CUX2: variants seen among roughly 807,000 people sequenced by gnomAD.
The protein encoded by CUX2 is cut like homeobox 2, also known as homeobox protein cut-like 2.
Under a neutral mutation model 144.8 loss-of-function variants are expected in CUX2, and 40 were observed. The ratio of observed to expected loss-of-function variants is 0.28; its 90% CI spans 0.21 to 0.36. CUX2 has a LOEUF of 0.36. Ranked by LOEUF, CUX2 falls within the 10% of genes least tolerant of loss-of-function variation. CUX2 has a pLI of 1.00. For missense variants in CUX2, 1,615 were observed against 1,994.0 expected, an observed-to-expected ratio of 0.81 and a Z score of 3.62; for synonymous variants, 827 against 875.6, an observed-to-expected ratio of 0.94 and a Z score of 0.98.
chr12:111,210,035 C>T (rs1398111536), intron 1 of CUX2, among the ~76,000 whole-genome samples: 4 of 152,202 alleles, frequency 2.6e-5, no homozygotes, highest in Admixed American at 2.0e-4. Context: ...TTAATCATGG[C>T]TCCCCCAGGG....
At chr12:111,098,708 C>T (rs970510688) in intron 1 of CUX2, among the ~76,000 whole-genome samples, 4 of 152,188 alleles carry the variant, frequency 2.6e-5, no homozygotes, top group Non-Finnish European at 2.9e-5. Flanking sequence ...AGGAAGCCAA[C>T]GTCACCTCCC....
chr12:111,182,114 G>A (rs1879221498), intron 1 of CUX2, among the ~76,000 whole-genome samples: 2 of 152,032 alleles, frequency 1.3e-5, no homozygotes, highest in African/African-American at 4.8e-5. Flanking sequence ...CAGGGTCGGG[G>A]GATAAAAATC....
At chr12:111,182,666 A>T (rs1011725778) in intron 1 of CUX2, among the ~76,000 whole-genome samples, 2 of 152,162 alleles carry the variant, frequency 1.3e-5, no homozygotes, top group Admixed American at 1.3e-4. Context: ...ATCGTTGGGG[A>T]TGGAGAAGGA....
intron 1 of CUX2, among the ~76,000 whole-genome samples, chr12:111,060,835 C>A (rs1870735010): frequency 6.6e-6 from 1 of 152,226 alleles, no homozygotes. Context: ...CCATGGTGGT[C>A]ACCCTCGGGA....
intron 18 of CUX2, among the ~76,000 whole-genome samples, chr12:111,326,452 G>A (rs1671146358): frequency 6.6e-6 from 1 of 151,284 alleles, no homozygotes; most frequent in Non-Finnish European, 1.5e-5. Flanking sequence ...TCTTGTGGTG[G>A]GGTAGGGGTT....
intron 1 of CUX2, among the ~76,000 whole-genome samples, chr12:111,060,579 G>T (rs901408255): frequency 6.6e-6 from 1 of 152,216 alleles, no homozygotes; most frequent in Non-Finnish European, 1.5e-5. Flanking sequence ...CATATTAGAG[G>T]CTCAATAAAT....
chr12:111,050,495 C>T (rs1261472583), intron 1 of CUX2, among the ~76,000 whole-genome samples: 2 of 152,156 alleles, frequency 1.3e-5, no homozygotes, highest in Non-Finnish European at 2.9e-5. Flanking sequence ...CAGGTCAAGA[C>T]GTTCAAAACC....
At chr12:111,226,999 T>A (rs948672035) in intron 3 of CUX2, among the ~76,000 whole-genome samples, 6 of 152,204 alleles carry the variant, frequency 3.9e-5, no homozygotes, top group African/African-American at 1.4e-4. Context: ...TGTCTCTCAG[T>A]GCTCACGTCT....
Position 111,263,440 on chromosome 12 carries a change from C to A in CUX2, c.223-321C>A, listed in dbSNP as rs1381286920. Among the ~76,000 whole-genome samples, 1 of 152,096 alleles carries A rather than the reference C, an allele frequency of 6.6e-6. No individual in the cohort carries two copies. The highest frequency in any genetic ancestry group is 6.6e-5 in the Admixed American group (1 of 15,266). On this transcript the variant is annotated intron_variant, in intron 3 of 21. Transcript: ENST00000261726. This position sits in a 1 kb window ranked among gnomAD's most constrained non-coding sequence, Gnocchi z 4.0. The stretch of plus-strand genomic sequence containing the variant: ...GGCCAACGTGGTCAAACCGTCTCTA[C>A]CAAAAGTACAAAAAAATTAGCTGGG...
intron 3 of CUX2, among the ~76,000 whole-genome samples, chr12:111,222,812 T>G (rs1180618240): frequency 6.6e-6 from 1 of 152,102 alleles, no homozygotes; most frequent in African/African-American, 2.4e-5. Flanking sequence ...CTCTAATCAC[T>G]CAGGGTCTGG....
At chr12:111,132,492 A>C (rs1202744867) in intron 1 of CUX2, among the ~76,000 whole-genome samples, 1 of 151,544 alleles carries the variant, frequency 6.6e-6, no homozygotes, top group Admixed American at 6.6e-5. Flanking sequence ...CTCCCCAGAA[A>C]ATGGGCTTTT....
intron 2 of CUX2, among the ~76,000 whole-genome samples, chr12:111,214,526 C>T (rs1183649351): frequency 2.0e-5 from 3 of 152,170 alleles, no homozygotes; most frequent in African/African-American, 4.8e-5. Flanking sequence ...TCTCCATCAA[C>T]GTCATTGTTT....
intron 1 of CUX2, among the ~76,000 whole-genome samples, chr12:111,044,579 T>C (rs569414431): frequency 6.6e-6 from 1 of 152,308 alleles, no homozygotes. Context: ...TGACTTCTCT[T>C]TCCAAATCAG....
At chr12:111,120,188 G>A (rs1874561890) in intron 1 of CUX2, among the ~76,000 whole-genome samples, 1 of 152,124 alleles carries the variant, frequency 6.6e-6, no homozygotes, top group Non-Finnish European at 1.5e-5. Flanking sequence ...TAAATTCTAT[G>A]AGGACAGCAA....
At chr12:111,252,333 T>C (rs1322754139) in intron 3 of CUX2, among the ~76,000 whole-genome samples, 1 of 152,220 alleles carries the variant, frequency 6.6e-6, no homozygotes, top group African/African-American at 2.4e-5. Flanking sequence ...GGAAAATGAC[T>C]GCCCAAGGTG....
At chr12:111,252,831 G>T (rs1404048047) in intron 3 of CUX2, among the ~76,000 whole-genome samples, 3 of 150,938 alleles carry the variant, frequency 2.0e-5, no homozygotes, top group African/African-American at 7.3e-5. Context: ...GGAGACTGAG[G>T]CAGGAGGATC....
chr12:111,071,478 T>C (rs1871251434), intron 1 of CUX2, among the ~76,000 whole-genome samples: 1 of 152,246 alleles, frequency 6.6e-6, no homozygotes, highest in Non-Finnish European at 1.5e-5. Flanking sequence ...GCTATTTTCT[T>C]ATTGTCAAGT....
At chr12:111,041,531 T>A (rs1182536861) in intron 1 of CUX2, among the ~76,000 whole-genome samples, 1 of 152,236 alleles carries the variant, frequency 6.6e-6, no homozygotes, top group Admixed American at 6.5e-5. Flanking sequence ...CCCATGGATG[T>A]GTCTGTCTAG....
rs142463930 is a variant in CUX2, at chr12:111,171,417, G to A, written c.64-42783G>A. Among the ~76,000 whole-genome samples the A allele has an allele frequency of 4.5e-3, 682 of 152,276 alleles. 5 individuals carry two copies. The highest frequency in any genetic ancestry group is 0.015 in the African/African-American group (615 of 41,556). On this transcript the variant is annotated intron_variant, in intron 1 of 21. Transcript: ENST00000261726. The surrounding 1 kb of genome is among the most constrained non-coding windows in gnomAD (Gnocchi z 5.0). ...TCTGAGACCGGCCAGAAGGACAGAC[G>A]AGAGGGGTTTCTTATGCACCAGTGG...
Sources: gnomAD v4.1 joint callset for allele counts (sites outside exome capture counted in the v4.1 genomes callset) on GRCh38, gnomAD v4.1.1 for gene constraint, Gnocchi (gnomAD v3.1) non-coding constraint, MANE v1.5 for transcripts, NCBI Gene and HGNC (gene_info 2026-07-23, HGNC 2026-07-21) for gene names.